SPAG7: variants seen among roughly 807,000 people sequenced by gnomAD.
The protein encoded by SPAG7 is sperm associated antigen 7, also known as sperm-associated antigen 7.
A neutral mutation model predicts 30.6 loss-of-function variants in SPAG7; 20 were observed. That is an observed-to-expected ratio of 0.65 (90% CI 0.46 to 0.95). SPAG7 has a LOEUF of 0.95. Ranked by LOEUF, SPAG7 falls within the 40% of genes least tolerant of loss-of-function variation. The pLI is 0.00. For missense variants in SPAG7, 276 were observed against 291.1 expected (o/e 0.95, Z 0.38); for synonymous variants, 127 against 104.2 (o/e 1.22, Z -1.33).
intron 1 of SPAG7, among the ~76,000 whole-genome samples, chr17:4,961,328 G>A (rs1971859096): frequency 6.6e-6 from 1 of 151,808 alleles, no homozygotes; most frequent in Non-Finnish European, 1.5e-5. Context: ...GTGGTGGTGG[G>A]CGCCTATAAT....
chr17:4,967,674 C>T, intron 1 of SPAG7, 46 bp downstream of exon 1: 1 of 1,459,224 alleles, frequency 6.9e-7, no homozygotes, highest in Non-Finnish European at 9.6e-7. Flanking sequence ...AAGTATGGTC[C>T]CGAGAACCGG....
intron 1 of SPAG7, chr17:4,967,165 G>C: frequency 2.0e-6 from 2 of 986,762 alleles, no homozygotes; most frequent in Non-Finnish European, 2.4e-6. Flanking sequence ...GCTACGGATG[G>C]GAAAAAGGTT....
At chr17:4,960,712 G>C in intron 2 of SPAG7, 74 bp downstream of exon 2, 1 of 1,498,514 alleles carries the variant, frequency 6.7e-7, no homozygotes. Flanking sequence ...GCAAAACTGA[G>C]TCCTCAACCT....
intron 1 of SPAG7, among the ~76,000 whole-genome samples, chr17:4,964,171 C>A (rs1471739948): frequency 6.6e-6 from 1 of 151,916 alleles, no homozygotes; most frequent in Non-Finnish European, 1.5e-5. Context: ...TTAGATCCTG[C>A]CTCTGCGCCA....
rs1462379594 is a variant in SPAG7, at chr17:4,959,348, CACAT to C, written c.*182_*185del. The C allele has an allele frequency of 2.7e-5, 16 of 601,156 alleles. No homozygotes were observed. Among genetic ancestry groups the C allele is most frequent in the African/African-American group, 3.7e-5 (2 of 53,872 alleles). The allele number at this position is 601,156 out of a possible 1,614,324, so 37.2% of individuals were successfully genotyped here. ...GCATTCACACTCTCACACACACACA[CACAT>C]GCCACGCACATATCCAAGCTCCAAC... On this transcript the variant is annotated 3_prime_UTR_variant, in exon 7 of 7. Transcript: ENST00000206020.
chr17:4,959,711 G>T (rs73343381), intron 6 of SPAG7, 49 bp downstream of exon 6: 3 of 1,613,648 alleles, frequency 1.9e-6, no homozygotes, highest in Non-Finnish European at 8.5e-7. Context: ...CCCTCCTGCC[G>T]CATCCTATGC....
At chr17:4,967,415 G>C (rs1971979983) in intron 1 of SPAG7, among the ~76,000 whole-genome samples, 1 of 152,188 alleles carries the variant, frequency 6.6e-6, no homozygotes, top group African/African-American at 2.4e-5. Context: ...CGGCAGGTTG[G>C]AGGCACCCTA....
intron 3 of SPAG7, 69 bp downstream of exon 3, chr17:4,960,389 GC>G: frequency 5.0e-6 from 8 of 1,595,520 alleles, no homozygotes; most frequent in Non-Finnish European, 6.9e-6. Context: ...CTCTGGAGGA[GC>G]CCCCCGCTGG....
intron 1 of SPAG7, among the ~76,000 whole-genome samples, chr17:4,967,421 C>T (rs1971980333): frequency 6.6e-6 from 1 of 152,158 alleles, no homozygotes. Flanking sequence ...GTTGGAGGCA[C>T]CCTACCAATC....
At position 4,967,743 on chromosome 17, in the gene SPAG7, T is replaced by C. The variant is rs979519720; in HGVS notation, c.62A>G (p.Gln21Arg). The change falls in exon 1 of 7, where the codon CAG becomes CGG. Residue 21 changes from glutamine to arginine, a missense_variant. Transcript: ENST00000206020. ...ACCTCGGGCCTTGCGCCGAGTCTCC[T>C]GGTCACCGAGGCTGGGTGGCTTCTC... ...SMEKPPSLGD[Q>R]ETRRKAREQA... 1 of 1,614,038 alleles carries C rather than the reference T, an allele frequency of 6.2e-7. No homozygotes were observed. The highest frequency in any genetic ancestry group is 2.2e-5 in the East Asian group (1 of 44,876).
At chr17:4,961,783 A>AAAAAAG (rs1971868556) in intron 1 of SPAG7, among the ~76,000 whole-genome samples, 1 of 149,600 alleles carries the variant, frequency 6.7e-6, no homozygotes. Context: ...AAAAAAAAAA[A>AAAAAAG]AGAGATTAAG....
chr17:4,967,056 C>T, intron 1 of SPAG7: 1 of 985,738 alleles, frequency 1.0e-6, no homozygotes, highest in Non-Finnish European at 1.2e-6. Flanking sequence ...GGAAGCTACT[C>T]CGAGAACGCA....
chr17:4,965,517 C>CT (rs374043849), intron 1 of SPAG7, among the ~76,000 whole-genome samples: 2,462 of 149,050 alleles, frequency 0.017, 33 homozygotes, highest in Non-Finnish European at 0.022. Flanking sequence ...ATCATAACTT[C>CT]TTTTTTTTTT....
chr17:4,963,851 C>T (rs1317075713), intron 1 of SPAG7, among the ~76,000 whole-genome samples: 1 of 152,140 alleles, frequency 6.6e-6, no homozygotes, highest in Non-Finnish European at 1.5e-5. Context: ...AATCTGACAC[C>T]CTTCTCCTTT....
In SPAG7 at chr17:4,967,739, C is replaced by T; in HGVS notation, c.66G>A (p.Glu22=). ...CCTCACCTCGGGCCTTGCGCCGAGTCTCCTGGTCACCGAGGCTGGGTGGCT... is the reference window on the plus strand; with the variant it reads ...CCTCACCTCGGGCCTTGCGCCGAGTTTCCTGGTCACCGAGGCTGGGTGGCT... ...MEKPPSLGDQ[E]TRRKAREQAA... The change falls in exon 1 of 7, where the codon GAG becomes GAA. Residue 22 remains glutamate (E), a synonymous_variant. Coordinates refer to ENST00000206020, the MANE Select transcript of SPAG7 (RefSeq NM_004890.3). 1 of 1,614,022 alleles carries T rather than the reference C, an allele frequency of 6.2e-7. No individual in the cohort carries two copies. Among genetic ancestry groups the T allele is most frequent in the South Asian group, 1.1e-5 (1 of 91,074 alleles).
chr17:4,960,200 G>C, intron 4 of SPAG7, 34 bp downstream of exon 4: 1 of 1,606,224 alleles, frequency 6.2e-7, no homozygotes, highest in African/African-American at 1.3e-5. Context: ...GCTACAAAGG[G>C]GAGAGGAGAG....
intron 1 of SPAG7, among the ~76,000 whole-genome samples, chr17:4,964,651 G>A (rs953735986): frequency 2.6e-5 from 4 of 151,438 alleles, no homozygotes; most frequent in South Asian, 4.2e-4. Flanking sequence ...GTGAGCCACC[G>A]CACCCGGCCA....
Position 4,967,800 on chromosome 17 carries a change from G to A in SPAG7, c.5C>T (p.Ala2Val). 1 of 1,612,832 alleles carries A rather than the reference G, an allele frequency of 6.2e-7. No homozygotes were observed. The highest frequency in any genetic ancestry group is 1.1e-5 in the South Asian group (1 of 91,044). Residue 2 changes from alanine to valine, a missense_variant, in exon 1 of 7, where the codon GCG becomes GTG. Ala to Val is a moderately conservative substitution (Grantham distance 64). Coordinates refer to ENST00000206020, the MANE Select transcript of SPAG7 (RefSeq NM_004890.3). ...GCTCAGGATGGAGCCCAGTAGGTCC[G>A]CCATCTTGGGAGTGACTGAGAGGGG... M[A>V]DLLGSILSSM... is the part of the protein sequence containing the mutation.
intron 1 of SPAG7, 127 bp downstream of exon 1, chr17:4,967,593 T>A (rs1461082563): frequency 2.7e-6 from 2 of 745,048 alleles, no homozygotes; most frequent in Non-Finnish European, 4.7e-6. Context: ...TTTTAGGGAC[T>A]CTGAGGGTCT....
Sources: gnomAD v4.1 joint callset for allele counts (sites outside exome capture counted in the v4.1 genomes callset) on GRCh38, gnomAD v4.1.1 for gene constraint, MANE v1.5 for transcripts, NCBI Gene and HGNC (gene_info 2026-07-23, HGNC 2026-07-21) for gene names.